Variants in SLC25A12 observed in about 807,000 individuals in gnomAD.
SLC25A12 encodes the protein electrogenic aspartate/glutamate antiporter SLC25A12, mitochondrial.
In SLC25A12, 32 loss-of-function variants were observed where a neutral mutation model predicts 83.3. The observed-to-expected ratio is 0.38, with a 90% confidence interval of 0.29 to 0.52. SLC25A12 has a LOEUF of 0.52. Among genes scored for constraint, SLC25A12 ranks in the 20% least tolerant of loss-of-function variants. The pLI is 0.84. For missense variants in SLC25A12, 611 were observed against 835.6 expected (o/e 0.73, Z 3.31); for synonymous variants, 267 against 291.1 (o/e 0.92, Z 0.84).
chr2:171,882,716 C>T (rs1450557879), intron 2 of SLC25A12, among the ~76,000 whole-genome samples: 1 of 152,102 alleles, frequency 6.6e-6, no homozygotes, highest in African/African-American at 2.4e-5. Flanking sequence ...CAACGCTGGC[C>T]ATAGCAATGG....
chr2:171,871,373 T>G (rs942099021), intron 2 of SLC25A12, among the ~76,000 whole-genome samples: 12 of 152,236 alleles, frequency 7.9e-5, no homozygotes, highest in Non-Finnish European at 1.3e-4. Context: ...GAGGCCAGCC[T>G]GAACAACATG....
At chr2:171,891,508 G>A (rs763771978) in intron 2 of SLC25A12, among the ~76,000 whole-genome samples, 2 of 152,170 alleles carry the variant, frequency 1.3e-5, no homozygotes, top group African/African-American at 2.4e-5. Context: ...CTGAAACTCA[G>A]GAAGGCCAGA....
In SLC25A12 at chr2:171,855,888, A is replaced by C. The variant is rs1685034751; in HGVS notation, c.271T>G (p.Phe91Val). The change falls in exon 4 of 18, where the codon TTC becomes GTC. Residue 91 changes from phenylalanine to valine, a missense_variant. Physicochemically the swap from Phe to Val is conservative, Grantham distance 50 (BLOSUM62 -1). Transcript: ENST00000422440. Reference sequence around the variant, plus strand: ...TCAAACAACTGGAAAGCCACTATGAACATGGAATCTGGAGCACATAAAACA... The same window carrying C: ...TCAAACAACTGGAAAGCCACTATGACCATGGAATCTGGAGCACATAAAACA... ...ESVLCAPDSM[F>V]IVAFQLFDKS... 1.9e-6 allele frequency: 3 copies of C among 1,613,832 alleles called. No homozygotes were observed. Among genetic ancestry groups the C allele is most frequent in the Non-Finnish European group, 2.5e-6 (3 of 1,179,744 alleles).
chr2:171,837,523 AC>A (rs1684584445), intron 5 of SLC25A12, among the ~76,000 whole-genome samples: 1 of 152,230 alleles, frequency 6.6e-6, no homozygotes, highest in Admixed American at 6.5e-5. Context: ...GGAAAAAATA[AC>A]CCTTAGATTT....
intron 2 of SLC25A12, among the ~76,000 whole-genome samples, chr2:171,890,761 G>A (rs1685914777): frequency 1.3e-5 from 2 of 152,120 alleles, no homozygotes; most frequent in Non-Finnish European, 2.9e-5. Context: ...GAGATTACAG[G>A]TGTGAGCTAC....
intron 13 of SLC25A12, among the ~76,000 whole-genome samples, chr2:171,804,368 C>T (rs573269813): frequency 6.6e-6 from 1 of 152,274 alleles, no homozygotes; most frequent in South Asian, 2.1e-4. Flanking sequence ...AAGTGATTCT[C>T]CTGCCTCAGC....
At position 171,810,285 on chromosome 2, in the gene SLC25A12, AG is replaced by A. The variant is rs535710884; in HGVS notation, c.1172-10del. 1.1e-3 allele frequency: 1,783 copies of A among 1,611,888 alleles called. 5 individuals are homozygous for A. Among genetic ancestry groups the A allele is most frequent in the Non-Finnish European group, 1.1e-3 (1,305 of 1,177,982 alleles). Reference sequence around the variant, plus strand: ...AAGTTGTGGTATCAGACCTAGGTAAAGGGACAGAATCATCAGCAATATAGCT... The same window carrying A: ...AAGTTGTGGTATCAGACCTAGGTAAAGGACAGAATCATCAGCAATATAGCT... On this transcript the variant is annotated splice_polypyrimidine_tract_variant and intron_variant, in intron 11 of 17. Coordinates refer to ENST00000422440, the MANE Select transcript of SLC25A12 (RefSeq NM_003705.5).
At chr2:171,805,731 TTTTAG>T (rs1168572986) in intron 13 of SLC25A12, among the ~76,000 whole-genome samples, 1 of 152,140 alleles carries the variant, frequency 6.6e-6, no homozygotes, top group Non-Finnish European at 1.5e-5. Flanking sequence ...AGTAGTAACG[TTTTAG>T]TTAAGTTGGG....
chr2:171,860,464 TA>T (rs1685130980), intron 3 of SLC25A12, among the ~76,000 whole-genome samples: 1 of 152,032 alleles, frequency 6.6e-6, no homozygotes. Flanking sequence ...TAGCCTGGCA[TA>T]GTGGCACATG....
intron 15 of SLC25A12, among the ~76,000 whole-genome samples, chr2:171,789,237 T>TC (rs1191471421): frequency 1.3e-5 from 2 of 151,820 alleles, no homozygotes; most frequent in Non-Finnish European, 2.9e-5. Flanking sequence ...AGCCTGACTC[T>TC]CTTTTTTTTT....
rs755827436 is a variant in SLC25A12, at chr2:171,834,026, C to G, written c.782G>C (p.Gly261Ala). 2 of 1,610,048 alleles carry G rather than the reference C, an allele frequency of 1.2e-6. No homozygotes were observed. The highest frequency in any genetic ancestry group is 2.2e-5 in the South Asian group (2 of 90,980). Reference protein sequence around the residue: ...EEFAQSAIRYGQVTPLEIDIL... With the variant: ...EEFAQSAIRYAQVTPLEIDIL... ...ATCAATTTCTAGTGGTGTGACTTGT[C>G]CATAGCGTATGGCACTCTGGGCAAA... The change falls in exon 8 of 18, where the codon GGA becomes GCA. Residue 261 changes from glycine (G) to alanine (A), a missense_variant. By Grantham distance (60) the Gly-to-Ala change is moderately conservative (BLOSUM62 0). Around this residue, in one of 3 missense-constraint regions of SLC25A12, gnomAD observed 540 missense variants for 777.5 expected, o/e 0.69. Transcript: ENST00000422440.
chr2:171,788,016 T>C, intron 15 of SLC25A12, 69 bp from the exon 16 acceptor site: 1 of 1,510,326 alleles, frequency 6.6e-7, no homozygotes, highest in Non-Finnish European at 9.1e-7. Context: ...TGCTAACATC[T>C]ACTATAGAGC....
intron 8 of SLC25A12, among the ~76,000 whole-genome samples, chr2:171,829,967 A>C (rs1684395909): frequency 6.6e-6 from 1 of 152,252 alleles, no homozygotes; most frequent in Admixed American, 6.5e-5. Context: ...GAGGAATGAA[A>C]AAGGGAATAA....
At chr2:171,796,366 G>A (rs954651182) in intron 13 of SLC25A12, among the ~76,000 whole-genome samples, 1 of 152,154 alleles carries the variant, frequency 6.6e-6, no homozygotes, top group East Asian at 1.9e-4. Flanking sequence ...CAATTGATGT[G>A]CATTTATAAA....
At position 171,791,489 on chromosome 2, in the gene SLC25A12, A is replaced by G. The variant is rs757861149; in HGVS notation, c.1547T>C (p.Val516Ala). The G allele has an allele frequency of 6.2e-7, 1 of 1,614,180 alleles. No individual in the cohort carries two copies. The highest frequency in any genetic ancestry group is 8.5e-7 in the Non-Finnish European group (1 of 1,179,994). ...AGCTGCAAGAAGATTTAAACCTCCC[A>G]CGTGTCCATTTTCATCAGCCAGAAG... ...KLLLADENGHVGGLNLLAAGA... is the reference protein window; with the variant it reads ...KLLLADENGHAGGLNLLAAGA... The change falls in exon 15 of 18, where the codon GTG (valine) becomes GCG (alanine). Residue 516 changes from valine (V) to alanine (A), a missense_variant. Around this residue, in one of 3 missense-constraint regions of SLC25A12, gnomAD observed 540 missense variants for 777.5 expected, o/e 0.69. Coordinates refer to ENST00000422440, the MANE Select transcript of SLC25A12 (RefSeq NM_003705.5).
rs1475438020 is a variant in SLC25A12 at position 171,850,334 on chromosome 2, TTTG to T, written c.325+5497_325+5499del. ...TTTCACCATGTTGGCCAGGCTGGTC[TTTG>T]TTTTTTTTTTTTTTTTTTTTTTTTT... On this transcript the variant is annotated intron_variant, in intron 4 of 17. Transcript: ENST00000422440. 2.4e-3 allele frequency among the ~76,000 whole-genome samples: 314 copies of T among 130,750 alleles called. 3 individuals carry two copies. The highest frequency in any genetic ancestry group is 4.1e-3 in the Non-Finnish European group (250 of 61,720). The allele number at this position is 130,750 out of a possible 152,430, so 85.8% of individuals were successfully genotyped here.
At chr2:171,802,269 G>C (rs1683723758) in intron 13 of SLC25A12, among the ~76,000 whole-genome samples, 1 of 152,148 alleles carries the variant, frequency 6.6e-6, no homozygotes, top group African/African-American at 2.4e-5. Flanking sequence ...GCCTTCCAAA[G>C]TGTGGAGGTT....
Position 171,821,838 on chromosome 2 carries a change from G to A in SLC25A12, c.930+4960C>T, listed in dbSNP as rs145575909. 6.3e-4 allele frequency among the ~76,000 whole-genome samples: 96 copies of A among 152,248 alleles called. 2 individuals carry two copies. The highest frequency in any genetic ancestry group is 1.7e-3 in the East Asian group (9 of 5,184). ...TTTGATAAAAGTTCTTAAATCTAAT[G>A]AAGTTTAACTTATTAATCTTTTTCT... On this transcript the variant is annotated intron_variant, in intron 9 of 17. Coordinates refer to ENST00000422440, the MANE Select transcript of SLC25A12 (RefSeq NM_003705.5).
intron 5 of SLC25A12, among the ~76,000 whole-genome samples, chr2:171,841,337 C>T (rs1684669003): frequency 6.6e-6 from 1 of 151,994 alleles, no homozygotes; most frequent in African/African-American, 2.4e-5. Context: ...GCCTTGGCCC[C>T]CCAAAGTGCT....
Sources: allele counts gnomAD v4.1 joint callset (sites outside exome capture counted in the v4.1 genomes callset), GRCh38; gene constraint gnomAD v4.1.1; regional missense constraint gnomAD v4.1.1; transcripts MANE v1.5; gene names NCBI Gene and HGNC (gene_info 2026-07-23, HGNC 2026-07-21).